The following NEK3 variants were observed in gnomAD, a reference collection of about 807,000 sequenced individuals.
The protein encoded by NEK3 is NIMA related kinase 3, also known as serine/threonine-protein kinase Nek3.
NEK3 carries 54 observed loss-of-function variants against 66.0 expected under a neutral mutation model. The observed-to-expected ratio is 0.82, with a 90% CI of 0.66 to 1.03. The LOEUF (loss-of-function observed/expected upper bound fraction) is 1.03. NEK3 is among the 50% of genes least tolerant of loss of function. NEK3 has a pLI of 0.00. For synonymous variants in NEK3, 200 were observed against 206.2 expected, an observed-to-expected ratio of 0.97 and a Z score of 0.26; for missense variants, 593 against 603.0, an observed-to-expected ratio of 0.98 and a Z score of 0.17.
chr13:52,151,907 G>A (rs938112747), intron 5 of NEK3, among the ~76,000 whole-genome samples: 11 of 152,186 alleles, frequency 7.2e-5, no homozygotes, highest in African/African-American at 2.7e-4. Context: ...AATTGCCTAA[G>A]AAATTCAGTA....
rs1956184218 is a variant in NEK3, at chr13:52,134,358, A to AT, written c.1310-544_1310-543insA. Among the ~76,000 whole-genome samples the AT allele has an allele frequency of 2.0e-5, 3 of 151,744 alleles. 1 individual carries two copies. Among genetic ancestry groups the AT allele is most frequent in the South Asian group, 4.2e-4 (2 of 4,808 alleles). On this transcript the variant is annotated intron_variant, in intron 14 of 15. Coordinates refer to ENST00000610828, the MANE Select transcript of NEK3 (RefSeq NM_002498.3). ...GGATTTTCTTTAAGAGAAAAAAAAA[A>AT]CTCGGAAAATTGCCATAAAACCCTC...
intron 5 of NEK3, among the ~76,000 whole-genome samples, chr13:52,151,747 A>G (rs886953630): frequency 6.6e-6 from 1 of 152,234 alleles, no homozygotes; most frequent in Non-Finnish European, 1.5e-5. Flanking sequence ...GAGAGCTAGG[A>G]CACATTAATA....
chr13:52,139,816 T>C (rs990566405), intron 11 of NEK3, among the ~76,000 whole-genome samples: 1 of 151,596 alleles, frequency 6.6e-6, no homozygotes, highest in East Asian at 2.0e-4. Flanking sequence ...TGAGAATTGC[T>C]TGAACCCGGG....
intron 12 of NEK3, 24 bp downstream of exon 12, chr13:52,136,776 A>G: frequency 6.8e-7 from 1 of 1,479,172 alleles, no homozygotes; most frequent in Non-Finnish European, 9.2e-7. Context: ...CACCTAAGAA[A>G]TGATTAGAAT....
At chr13:52,146,249 GAA>G (rs1956295069) in intron 8 of NEK3, among the ~76,000 whole-genome samples, 1 of 152,020 alleles carries the variant, frequency 6.6e-6, no homozygotes. Context: ...AAATTTAAAA[GAA>G]GTTTATTTTT....
At chr13:52,141,448 T>C (rs1398146605) in intron 10 of NEK3, among the ~76,000 whole-genome samples, 2 of 152,180 alleles carry the variant, frequency 1.3e-5, no homozygotes, top group East Asian at 3.8e-4. Context: ...GCTGGTGGAA[T>C]AAGTATCCCT....
chr13:52,139,741 G>C (rs1566851991), intron 11 of NEK3, among the ~76,000 whole-genome samples: 1 of 151,834 alleles, frequency 6.6e-6, no homozygotes, highest in Non-Finnish European at 1.5e-5. Context: ...TCTACAAAAA[G>C]ACAAAAAATT....
At chr13:52,137,365 C>T (rs1053979083) in intron 11 of NEK3, among the ~76,000 whole-genome samples, 9 of 152,048 alleles carry the variant, frequency 5.9e-5, no homozygotes, top group Admixed American at 4.6e-4. Context: ...ATTATCTAAG[C>T]CCTTGATTTA....
At chr13:52,145,753 T>C (rs1186367297) in intron 8 of NEK3, among the ~76,000 whole-genome samples, 1 of 152,216 alleles carries the variant, frequency 6.6e-6, no homozygotes, top group Non-Finnish European at 1.5e-5. Flanking sequence ...TTTCCATGTA[T>C]AATAAATATA....
intron 13 of NEK3, 91 bp downstream of exon 13, chr13:52,136,025 C>G: frequency 6.5e-7 from 1 of 1,531,066 alleles, no homozygotes; most frequent in Non-Finnish European, 8.9e-7. Context: ...CGCCAAATAC[C>G]CTTCACAGAC....
chr13:52,150,351 A>G (rs546190139), intron 7 of NEK3, among the ~76,000 whole-genome samples: 1 of 152,364 alleles, frequency 6.6e-6, no homozygotes, highest in South Asian at 2.1e-4. Context: ...ATAGTAAAAT[A>G]TATGTAGCCA....
intron 2 of NEK3, among the ~76,000 whole-genome samples, chr13:52,155,034 C>T (rs1373815746): frequency 6.6e-6 from 1 of 151,830 alleles, no homozygotes; most frequent in African/African-American, 2.4e-5. Context: ...GCAACATCAG[C>T]ACCAACTGGG....
At chr13:52,145,931 A>G (rs571811874) in intron 8 of NEK3, among the ~76,000 whole-genome samples, 146 of 152,290 alleles carry the variant, frequency 9.6e-4, no homozygotes, top group African/African-American at 3.1e-3. Flanking sequence ...CTGAACATGT[A>G]CCCCAGAACT....
Position 52,151,068 on chromosome 13 carries a change from G to A in NEK3, c.548+78C>T, listed in dbSNP as rs189316424. ...ATCCATGCATCTGTTTTGAAGTGAC[G>A]TCAGACTCTAGCATCATTTGCAGGC... is the stretch of plus-strand genomic sequence containing the variant. On this transcript the variant is annotated intron_variant, in intron 7 of 15. Coordinates refer to ENST00000610828, the MANE Select transcript of NEK3 (RefSeq NM_002498.3). The A allele has an allele frequency of 3.1e-3, 3,452 of 1,115,754 alleles. 9 individuals are homozygous for A. Among genetic ancestry groups the A allele is most frequent in the Non-Finnish European group, 4.2e-3 (3,141 of 753,768 alleles). 69.1% of individuals were successfully genotyped at this position (1,115,754 alleles called of 1,614,324 possible).
At position 52,154,608 on chromosome 13, in the gene NEK3, A is replaced by AGTCCACTG. The variant is rs1290316847; in HGVS notation, c.118-443_118-436dup. On this transcript the variant is annotated intron_variant, in intron 2 of 15. Transcript: ENST00000610828. The stretch of plus-strand genomic sequence containing the variant: ...TTTGACTGTCTGCATCACTTAGAGG[A>AGTCCACTG]GTCCACTGGTCCAGATAAAAAAAGA... Among the ~76,000 whole-genome samples, 10 of 152,044 alleles carry AGTCCACTG rather than the reference A, an allele frequency of 6.6e-5. 1 individual carries two copies. The highest frequency in any genetic ancestry group is 4.1e-4 in the South Asian group (2 of 4,820).
rs1029162242 is a variant in NEK3, at chr13:52,151,249, G to A, written c.462-17C>T. 5.0e-6 allele frequency: 8 copies of A among 1,601,512 alleles called. No individual in the cohort carries two copies. The African/African-American group carries it at 9.4e-5, about 19-fold the overall frequency. On this transcript the variant is annotated splice_polypyrimidine_tract_variant and intron_variant, in intron 6 of 15. Coordinates refer to ENST00000610828, the MANE Select transcript of NEK3 (RefSeq NM_002498.3). ...GCCATCGGACTAAAACCATAAAAAGGCAACGAATGATTACAGAACATTCCT... is the reference window on the plus strand; with the variant it reads ...GCCATCGGACTAAAACCATAAAAAGACAACGAATGATTACAGAACATTCCT...
intron 4 of NEK3, 58 bp downstream of exon 4, chr13:52,153,837 G>T: frequency 8.8e-7 from 1 of 1,133,820 alleles, no homozygotes. Flanking sequence ...CTTATATAAA[G>T]TTTATGAGAA....
intron 1 of NEK3, among the ~76,000 whole-genome samples, chr13:52,159,044 G>A (rs1262860374): frequency 6.6e-6 from 1 of 152,074 alleles, no homozygotes; most frequent in Non-Finnish European, 1.5e-5. Flanking sequence ...ATCCCCAGCC[G>A]GTCAACTGTT....
At chr13:52,148,308 T>C (rs1408145187) in intron 8 of NEK3, 107 bp downstream of exon 8, 3 of 1,041,536 alleles carry the variant, frequency 2.9e-6, no homozygotes, top group Middle Eastern at 2.1e-4. Flanking sequence ...CAAACTTTTA[T>C]AATGACTTCA....
Sources: allele counts gnomAD v4.1 joint callset (sites outside exome capture counted in the v4.1 genomes callset), GRCh38; gene constraint gnomAD v4.1.1; transcripts MANE v1.5; gene names NCBI Gene and HGNC (gene_info 2026-07-23, HGNC 2026-07-21).